Variants in SPOCK3 observed in about 807,000 individuals in gnomAD.
The protein encoded by SPOCK3 is testican-3.
Under a neutral mutation model 56.6 loss-of-function variants are expected in SPOCK3, and 30 were observed. That is an observed-to-expected ratio of 0.53 (90% CI 0.40 to 0.72). The LOEUF (loss-of-function observed/expected upper bound fraction) is 0.72. SPOCK3 is among the 30% of genes least tolerant of loss of function. The pLI is 0.00. For missense variants in SPOCK3, 527 were observed against 530.0 expected, an observed-to-expected ratio of 0.99 and a Z score of 0.06; for synonymous variants, 196 against 183.3, an observed-to-expected ratio of 1.07 and a Z score of -0.56.
At chr4:166,802,889 G>A (rs1310692354) in intron 6 of SPOCK3, among the ~76,000 whole-genome samples, 1 of 151,950 alleles carries the variant, frequency 6.6e-6, no homozygotes, top group Non-Finnish European at 1.5e-5. Flanking sequence ...GCAGATTTGA[G>A]CAATTCTAAA....
chr4:166,979,490 G>T (rs1746346003), intron 4 of SPOCK3, among the ~76,000 whole-genome samples: 1 of 151,784 alleles, frequency 6.6e-6, no homozygotes, highest in South Asian at 2.1e-4. Context: ...CATCTGTTTT[G>T]CTCTGAATAC....
At chr4:167,187,946 C>T (rs770363782) in intron 2 of SPOCK3, among the ~76,000 whole-genome samples, 1 of 152,120 alleles carries the variant, frequency 6.6e-6, no homozygotes, top group South Asian at 2.1e-4. Flanking sequence ...AGACTGCCCA[C>T]TCTACCCTGA....
chr4:167,116,734 C>T (rs1250084593), intron 2 of SPOCK3, among the ~76,000 whole-genome samples: 1 of 130,786 alleles, frequency 7.6e-6, no homozygotes, highest in South Asian at 2.3e-4. Context: ...TATATACACA[C>T]ATATAGTATA....
chr4:166,834,227 T>A (rs1009400216), intron 6 of SPOCK3, among the ~76,000 whole-genome samples: 6 of 152,204 alleles, frequency 3.9e-5, no homozygotes, highest in African/African-American at 1.4e-4. Context: ...TCTTTGTTTC[T>A]GTGGCTCCCA....
In SPOCK3 at chr4:166,737,543, A is replaced by G. The variant is rs1734338780; in HGVS notation, c.1056T>C (p.Ser352=). 2 of 1,613,132 alleles carry G rather than the reference A, an allele frequency of 1.2e-6. No individual in the cohort carries two copies. The highest frequency in any genetic ancestry group is 2.7e-5 in the African/African-American group (2 of 74,896). The change falls in exon 10 of 11, where the codon AGT becomes AGC. Residue 352 remains serine, a synonymous_variant. Coordinates refer to ENST00000357545, the MANE Select transcript of SPOCK3 (RefSeq NM_001040159.2). ...GYYKPTQCHG[S]VGQCWCVDRY... ...TGTCAACACACCAGCACTGTCCAAC[A>G]CTGCCATGACATTGTGTTGGCTTGT...
intron 5 of SPOCK3, among the ~76,000 whole-genome samples, chr4:166,910,855 C>G (rs984460743): frequency 2.0e-5 from 3 of 152,128 alleles, no homozygotes; most frequent in Middle Eastern, 6.3e-3. Flanking sequence ...ACCACTGACT[C>G]AATTTATTCA....
intron 2 of SPOCK3, among the ~76,000 whole-genome samples, chr4:167,135,680 CGTGTGTGT>C (rs57918767): frequency 0.012 from 1,785 of 147,526 alleles, 22 homozygotes; most frequent in Admixed American, 0.036. Context: ...CTATATAAAA[CGTGTGTGT>C]GTGTGTGTGT....
At chr4:166,899,635 G>C (rs547655453) in intron 5 of SPOCK3, among the ~76,000 whole-genome samples, 6 of 149,898 alleles carry the variant, frequency 4.0e-5, no homozygotes, top group African/African-American at 1.5e-4. Context: ...GCCTCCCTCA[G>C]CCTCCTGAAT....
At chr4:166,771,235 T>G (rs190087428) in intron 7 of SPOCK3, among the ~76,000 whole-genome samples, 11 of 151,988 alleles carry the variant, frequency 7.2e-5, no homozygotes, top group African/African-American at 2.6e-4. Flanking sequence ...GAAGGGTATA[T>G]ATATAATTTA....
intron 2 of SPOCK3, among the ~76,000 whole-genome samples, chr4:167,083,868 T>C (rs1265856107): frequency 2.6e-5 from 4 of 152,176 alleles, no homozygotes; most frequent in Non-Finnish European, 2.9e-5. Flanking sequence ...TAAATTGTTA[T>C]GTTACATTTT....
chr4:166,831,468 G>A (rs1017477504), intron 6 of SPOCK3, among the ~76,000 whole-genome samples: 4 of 151,882 alleles, frequency 2.6e-5, no homozygotes, highest in South Asian at 2.1e-4. Context: ...AAACTATATA[G>A]GATAAAAAAG....
At chr4:167,005,923 TATA>T (rs1466341973) in intron 3 of SPOCK3, among the ~76,000 whole-genome samples, 2 of 152,176 alleles carry the variant, frequency 1.3e-5, no homozygotes, top group Admixed American at 6.5e-5. Context: ...GCTGCAGAAT[TATA>T]ATTTTTTTTA....
Position 166,735,066 on chromosome 4 carries a change from T to C in SPOCK3, c.1157A>G (p.Asp386Gly). 2 of 1,604,712 alleles carry C rather than the reference T, an allele frequency of 1.2e-6. No homozygotes were observed. Among genetic ancestry groups the C allele is most frequent in the South Asian group, 2.2e-5 (2 of 89,582 alleles). The part of the protein sequence containing the change: ...DCAIDFEISG[D>G]FASGDFHEWT... ...TTCATGAAAATCGCCACTAGCAAAA[T>C]CTCCGGAGATCTCAAAATCTATAGC... The change falls in exon 11 of 11, where the codon GAT (aspartate) becomes GGT (glycine). Residue 386 changes from aspartate to glycine, a missense_variant. Transcript: ENST00000357545.
intron 4 of SPOCK3, among the ~76,000 whole-genome samples, chr4:166,937,225 G>A (rs1740507499): frequency 6.6e-6 from 1 of 151,932 alleles, no homozygotes; most frequent in South Asian, 2.1e-4. Flanking sequence ...TAAGCATCAA[G>A]TCGTGACTAG....
At chr4:167,230,079 A>G (rs1286470720) in intron 2 of SPOCK3, among the ~76,000 whole-genome samples, 1 of 151,990 alleles carries the variant, frequency 6.6e-6, no homozygotes, top group African/African-American at 2.4e-5. Context: ...AGTTTTTATT[A>G]TATTGATTCC....
At chr4:166,937,999 C>T (rs1048230684) in intron 4 of SPOCK3, among the ~76,000 whole-genome samples, 1 of 150,030 alleles carries the variant, frequency 6.7e-6, no homozygotes, top group Non-Finnish European at 1.5e-5. Context: ...AGAAAGCTCT[C>T]AATCTCCTGA....
At chr4:167,179,649 A>G (rs913720660) in intron 2 of SPOCK3, among the ~76,000 whole-genome samples, 2 of 152,154 alleles carry the variant, frequency 1.3e-5, no homozygotes, top group Non-Finnish European at 2.9e-5. Flanking sequence ...TTTACCTGCT[A>G]TACTTTAACC....
intron 6 of SPOCK3, among the ~76,000 whole-genome samples, chr4:166,829,929 T>C (rs1478280336): frequency 6.6e-6 from 1 of 152,154 alleles, no homozygotes; most frequent in Non-Finnish European, 1.5e-5. Flanking sequence ...TGGAATTGAC[T>C]GTATCATCTA....
chr4:167,086,025 T>C (rs996781570), intron 2 of SPOCK3, among the ~76,000 whole-genome samples: 31 of 152,176 alleles, frequency 2.0e-4, no homozygotes, highest in African/African-American at 6.5e-4. Context: ...AAATTATCGG[T>C]GGAAACTTTC....
Sources: gnomAD v4.1 joint callset for allele counts (sites outside exome capture counted in the v4.1 genomes callset) on GRCh38, gnomAD v4.1.1 for gene constraint, MANE v1.5 for transcripts, NCBI Gene and HGNC (gene_info 2026-07-23, HGNC 2026-07-21) for gene names.